CACNB2: variants seen among roughly 807,000 people sequenced by gnomAD.
CACNB2 encodes voltage-dependent L-type calcium channel subunit beta-2.
In CACNB2, 42 loss-of-function variants were observed where a neutral mutation model predicts 73.3. The observed-to-expected ratio is 0.57, with a 90% CI of 0.45 to 0.74. CACNB2 has a LOEUF of 0.74. Among genes scored for constraint, CACNB2 ranks in the 30% least tolerant of loss-of-function variants. CACNB2 has a pLI of 0.00. For synonymous variants in CACNB2, 348 were observed against 310.3 expected (o/e 1.12, Z -1.28); for missense variants, 940 against 853.0 (o/e 1.10, Z -1.27).
chr10:18,274,577 G>T (rs1208578523), intron 2 of CACNB2, among the ~76,000 whole-genome samples: 1 of 151,962 alleles, frequency 6.6e-6, no homozygotes, highest in Non-Finnish European at 1.5e-5. Flanking sequence ...CTTCCTTCAG[G>T]GTTGTACATG....
chr10:18,227,375 A>G (rs1323812944), intron 2 of CACNB2, among the ~76,000 whole-genome samples: 3 of 152,034 alleles, frequency 2.0e-5, no homozygotes, highest in African/African-American at 7.2e-5. Flanking sequence ...GGAGGCTTCC[A>G]TGTCAGAGGG....
At chr10:18,334,818 G>A (rs1236626723) in intron 2 of CACNB2, among the ~76,000 whole-genome samples, 1 of 152,190 alleles carries the variant, frequency 6.6e-6, no homozygotes, top group African/African-American at 2.4e-5. Context: ...GGCAATTCTG[G>A]TGTGCCAGAT....
intron 3 of CACNB2, among the ~76,000 whole-genome samples, chr10:18,464,422 A>T (rs756740073): frequency 0.024 from 3,180 of 131,016 alleles, 146 homozygotes; most frequent in Non-Finnish European, 0.032. Context: ...AAAAATTAAA[A>T]AAAAAAAAAA....
rs1588807055 is a variant in CACNB2, at chr10:18,239,537, A to G, written c.213+88562A>G. ...TATATGTGTGCATGTGTAAGTAGAT[A>G]TATACACCCCACACATTTTGTTTAT... On this transcript the variant is annotated intron_variant, in intron 2 of 13. Coordinates refer to ENST00000324631, the MANE Select transcript of CACNB2 (RefSeq NM_201596.3). Among the ~76,000 whole-genome samples, 6 of 152,300 alleles carry G rather than the reference A, an allele frequency of 3.9e-5. No homozygotes were observed. The South Asian group carries it at 1.2e-3, about 32-fold the overall frequency.
intron 2 of CACNB2, among the ~76,000 whole-genome samples, chr10:18,381,552 A>G (rs932908590): frequency 6.6e-6 from 1 of 151,922 alleles, no homozygotes; most frequent in African/African-American, 2.4e-5. Context: ...GCTGGGCGTG[A>G]TGGCGTGCAC....
intron 2 of CACNB2, among the ~76,000 whole-genome samples, chr10:18,376,527 G>A (rs1331121842): frequency 3.9e-5 from 6 of 152,180 alleles, no homozygotes; most frequent in Non-Finnish European, 8.8e-5. Context: ...GTTAAAGAGA[G>A]AATTATTTTA....
chr10:18,302,344 G>A (rs1386558038), intron 2 of CACNB2, among the ~76,000 whole-genome samples: 2 of 152,174 alleles, frequency 1.3e-5, no homozygotes, highest in Non-Finnish European at 1.5e-5. Flanking sequence ...AGCAGCAGAA[G>A]CGATAGCGCC....
chr10:18,538,062 G>T, intron 12 of CACNB2, 118 bp from the exon 13 acceptor site: 1 of 927,128 alleles, frequency 1.1e-6, no homozygotes. Flanking sequence ...AGCACTTATA[G>T]AAGCAGGAGC....
At position 18,536,269 on chromosome 10, in the gene CACNB2, TTTTTGG is replaced by T. The variant is rs1289639346; in HGVS notation, c.1302+74_1302+79del. On this transcript the variant is annotated intron_variant, in intron 12 of 13. Coordinates refer to ENST00000324631, the MANE Select transcript of CACNB2 (RefSeq NM_201596.3). The stretch of plus-strand genomic sequence containing the variant: ...TTTTTTTTTTTTTTTTTTTTTTTTT[TTTTTGG>T]GGGACAAGGTCTTGCTCTGTTGCCC... 2,172 of 378,546 alleles carry T rather than the reference TTTTTGG, an allele frequency of 5.7e-3. 206 individuals carry two copies. Among genetic ancestry groups the T allele is most frequent in the Non-Finnish European group, 6.6e-3 (1,453 of 221,304 alleles). The allele number at this position is 378,546 out of a possible 1,614,324, so 23.4% of individuals were successfully genotyped here. A position where few individuals can be genotyped will look rare whatever the true frequency, so the allele number is the denominator to read the frequency against.
At chr10:18,444,016 C>T (rs1273737392) in intron 3 of CACNB2, among the ~76,000 whole-genome samples, 2 of 152,178 alleles carry the variant, frequency 1.3e-5, no homozygotes, top group African/African-American at 2.4e-5. Context: ...CACCCAGCCA[C>T]GCCCTTTCTT....
rs373389018 is a variant in CACNB2, at chr10:18,540,184, G to GCTGA, written c.*463_*466dup. 20,662 of 184,400 alleles carry GCTGA rather than the reference G, an allele frequency of 0.11. 1,292 individuals carry two copies. Among genetic ancestry groups the GCTGA allele is most frequent in the Middle Eastern group, 0.16 (60 of 380 alleles). 11.4% of individuals were successfully genotyped at this position (184,400 alleles called of 1,614,324 possible). A position where few individuals can be genotyped will look rare whatever the true frequency, so the allele number is the denominator to read the frequency against. On this transcript the variant is annotated 3_prime_UTR_variant, in exon 14 of 14. Coordinates refer to ENST00000324631, the MANE Select transcript of CACNB2 (RefSeq NM_201596.3). Reference sequence around the variant, plus strand: ...CCACTGTTTCTTGCTTGTACCTCTGGCTGACTAAATTTGGGGACAGATTCA... The same window carrying GCTGA: ...CCACTGTTTCTTGCTTGTACCTCTGGCTGACTGACTAAATTTGGGGACAGATTCA...
At chr10:18,316,140 AATTTAC>A (rs199839857) in intron 2 of CACNB2, among the ~76,000 whole-genome samples, 92 of 152,198 alleles carry the variant, frequency 6.0e-4, no homozygotes, top group African/African-American at 1.3e-3. Flanking sequence ...GTGTGTGTGT[AATTTAC>A]ATTTACATTT....
At chr10:18,155,810 A>G (rs898887254) in intron 2 of CACNB2, among the ~76,000 whole-genome samples, 3 of 151,780 alleles carry the variant, frequency 2.0e-5, no homozygotes, top group Non-Finnish European at 4.4e-5. Flanking sequence ...TATCTAACCC[A>G]CAATTTAACT....
At chr10:18,498,137 G>C (rs564595165) in intron 3 of CACNB2, among the ~76,000 whole-genome samples, 4 of 152,264 alleles carry the variant, frequency 2.6e-5, no homozygotes, top group African/African-American at 9.6e-5. Flanking sequence ...GAGAACAATG[G>C]CCTTTTTCTA....
intron 2 of CACNB2, among the ~76,000 whole-genome samples, chr10:18,222,328 A>G (rs1163678960): frequency 6.6e-6 from 1 of 152,310 alleles, no homozygotes; most frequent in African/African-American, 2.4e-5. Flanking sequence ...GGAAAGAAAC[A>G]TAAGACCCAG....
At chr10:18,208,603 C>T (rs936568903) in intron 2 of CACNB2, among the ~76,000 whole-genome samples, 1 of 152,032 alleles carries the variant, frequency 6.6e-6, no homozygotes, top group East Asian at 1.9e-4. Context: ...CAGAGTGAGA[C>T]CCTGTCTCAA....
chr10:18,407,187 A>T lies in CACNB2; in HGVS notation c.333+5144A>T, dbSNP rs148834757. Among the ~76,000 whole-genome samples, 630 of 119,172 alleles carry T rather than the reference A, an allele frequency of 5.3e-3. 7 individuals carry two copies. The highest frequency in any genetic ancestry group is 0.02 in the African/African-American group (604 of 30,224). 78.2% of individuals were successfully genotyped at this position (119,172 alleles called of 152,430 possible). A position where few individuals can be genotyped will look rare whatever the true frequency, so the allele number is the denominator to read the frequency against. On this transcript the variant is annotated intron_variant, in intron 3 of 13. Coordinates refer to ENST00000324631, the MANE Select transcript of CACNB2 (RefSeq NM_201596.3). ...GCCCAGGCTGGAGTGCAGTGGTGCC[A>T]CCTCAGCTCAGTGCAACTCCACCTC...
chr10:18,256,245 C>A (rs190152094), intron 2 of CACNB2, among the ~76,000 whole-genome samples: 24 of 152,244 alleles, frequency 1.6e-4, no homozygotes, highest in Non-Finnish European at 2.9e-4. Context: ...ATGAGCCAAG[C>A]AGCTAGTTTT....
Position 18,451,561 on chromosome 10 carries a change from A to T in CACNB2, c.334-46794A>T, listed in dbSNP as rs1046257714. Among the ~76,000 whole-genome samples, 7 of 152,216 alleles carry T rather than the reference A, an allele frequency of 4.6e-5. 1 individual carries two copies. Among genetic ancestry groups the T allele is most frequent in the Admixed American group, 3.3e-4 (5 of 15,280 alleles). On this transcript the variant is annotated intron_variant, in intron 3 of 13. Coordinates refer to ENST00000324631, the MANE Select transcript of CACNB2 (RefSeq NM_201596.3). ...GTATATTAGGAAACTCAATGTCTTT[A>T]GGGCTGTGTTTTTCCGATAAACACA... is the stretch of plus-strand genomic sequence containing the variant.
Sources: gnomAD v4.1 joint callset for allele counts (sites outside exome capture counted in the v4.1 genomes callset) on GRCh38, gnomAD v4.1.1 for gene constraint, MANE v1.5 for transcripts, NCBI Gene and HGNC (gene_info 2026-07-23, HGNC 2026-07-21) for gene names.